GARRE1: variants seen among roughly 807,000 people sequenced by gnomAD.
The protein encoded by GARRE1 is granule associated Rac and RHOG effector protein 1.
In GARRE1, 49 loss-of-function variants were observed where a neutral mutation model predicts 103.2. The ratio of observed to expected loss-of-function variants is 0.47; its 90% CI spans 0.38 to 0.60. GARRE1 has a LOEUF of 0.60. Ranked by LOEUF, GARRE1 falls within the 20% of genes least tolerant of loss-of-function variation. The pLI is 0.00. For missense variants in GARRE1, 1,199 were observed against 1,370.5 expected (o/e 0.87, Z 1.98); for synonymous variants, 505 against 532.8 (o/e 0.95, Z 0.72).
intron 2 of GARRE1, among the ~76,000 whole-genome samples, chr19:34,301,832 G>A (rs1238369206): frequency 4.0e-5 from 6 of 151,078 alleles, no homozygotes; most frequent in South Asian, 2.1e-4. Context: ...ACAGGCACCC[G>A]CCACCTCACC....
chr19:34,307,816 T>G (rs58283689), intron 2 of GARRE1, among the ~76,000 whole-genome samples: 1 of 127,946 alleles, frequency 7.8e-6, no homozygotes, highest in Non-Finnish European at 1.6e-5. Flanking sequence ...ATATATATAT[T>G]TTTTTTTTTT....
chr19:34,320,009 G>T lies in GARRE1; in HGVS notation c.598G>T (p.Val200Phe). The change falls in exon 3 of 14, where the codon GTC (valine) becomes TTC (phenylalanine). Residue 200 changes from valine (V) to phenylalanine (F), a missense_variant. Val to Phe is a conservative substitution (Grantham distance 50). Coordinates refer to ENST00000299505, the MANE Select transcript of GARRE1 (RefSeq NM_014686.5). ...QPVAHSCFAE[V>F]IVPEKKNSGS... is the part of the protein sequence containing the mutation. The stretch of plus-strand genomic sequence containing the variant: ...GGTGGCTCACTCTTGCTTTGCTGAG[G>T]TCATCGTGCCAGAAAAAAAGAACAG... 6.2e-7 allele frequency: 1 copy of T among 1,614,200 alleles called. No individual in the cohort carries two copies. Among genetic ancestry groups the T allele is most frequent in the Non-Finnish European group, 8.5e-7 (1 of 1,180,038 alleles).
At chr19:34,316,931 C>G (rs796171333) in intron 2 of GARRE1, among the ~76,000 whole-genome samples, 9 of 152,344 alleles carry the variant, frequency 5.9e-5, no homozygotes, top group Admixed American at 4.6e-4. Flanking sequence ...TCTCTTCCCC[C>G]ACTCCTTCCT....
chr19:34,319,785 T>A, intron 2 of GARRE1, 122 bp from the exon 3 acceptor site: 1 of 844,882 alleles, frequency 1.2e-6, no homozygotes, highest in Non-Finnish European at 2.0e-6. Context: ...GCCTTTTAAC[T>A]TTGTATGATT....
At chr19:34,298,803 A>G (rs2073961444) in intron 1 of GARRE1, among the ~76,000 whole-genome samples, 1 of 152,218 alleles carries the variant, frequency 6.6e-6, no homozygotes. Flanking sequence ...GGTTTCAAGC[A>G]AATGTTATTC....
chr19:34,310,599 C>T (rs2074031837), intron 2 of GARRE1, among the ~76,000 whole-genome samples: 1 of 152,208 alleles, frequency 6.6e-6, no homozygotes, highest in African/African-American at 2.4e-5. Context: ...TCCTCTTCTC[C>T]CAGCTGAGCC....
chr19:34,290,874 C>CCTTTTTTTTTTTTTTTT (rs2073913611), intron 1 of GARRE1, among the ~76,000 whole-genome samples: 1 of 63,196 alleles, frequency 1.6e-5, no homozygotes, highest in African/African-American at 6.4e-5. Context: ...AAGCATATTG[C>CCTTTTTTTTTTTTTTTT]TTTTTTTTTT....
At chr19:34,303,065 ATAT>A (rs1009964213) in intron 2 of GARRE1, among the ~76,000 whole-genome samples, 1 of 152,176 alleles carries the variant, frequency 6.6e-6, no homozygotes, top group Admixed American at 6.5e-5. Flanking sequence ...TTAAAATGAA[ATAT>A]TATTCTTTTA....
chr19:34,290,662 A>T (rs2073912487), intron 1 of GARRE1, among the ~76,000 whole-genome samples: 1 of 151,602 alleles, frequency 6.6e-6, no homozygotes, highest in African/African-American at 2.4e-5. Flanking sequence ...AATTTGAAAA[A>T]TTTTTTTGTA....
chr19:34,274,193 G>T (rs967624369), intron 1 of GARRE1, among the ~76,000 whole-genome samples: 1 of 152,016 alleles, frequency 6.6e-6, no homozygotes, highest in Non-Finnish European at 1.5e-5. Flanking sequence ...ATCACCTGAG[G>T]TTGGGAGTTC....
chr19:34,351,885 G>A (rs1176226376), intron 13 of GARRE1, among the ~76,000 whole-genome samples: 1 of 151,540 alleles, frequency 6.6e-6, no homozygotes, highest in Non-Finnish European at 1.5e-5. Flanking sequence ...AGGATGGCTT[G>A]AGGCCAGGAG....
intron 7 of GARRE1, among the ~76,000 whole-genome samples, chr19:34,330,991 C>A (rs575490258): frequency 6.6e-6 from 1 of 151,574 alleles, no homozygotes; most frequent in Non-Finnish European, 1.5e-5. Context: ...CCTCTGCCTC[C>A]CGGGTTCAAA....
chr19:34,326,097 C>T (rs765341925), intron 3 of GARRE1, among the ~76,000 whole-genome samples: 3 of 152,238 alleles, frequency 2.0e-5, no homozygotes, highest in East Asian at 1.9e-4. Context: ...TGCTTCAGCA[C>T]GTACCTAACA....
At chr19:34,260,581 G>T (rs1021701225) in intron 1 of GARRE1, among the ~76,000 whole-genome samples, 1 of 152,036 alleles carries the variant, frequency 6.6e-6, no homozygotes, top group African/African-American at 2.4e-5. Flanking sequence ...TGCACAATGT[G>T]CAGGTTAGTT....
intron 1 of GARRE1, among the ~76,000 whole-genome samples, chr19:34,277,189 G>A (rs935539440): frequency 5.3e-5 from 8 of 152,272 alleles, no homozygotes; most frequent in South Asian, 4.2e-4. Flanking sequence ...CAGGAGGCAC[G>A]ACATGAGGCT....
chr19:34,317,931 C>T (rs754046604), intron 2 of GARRE1, among the ~76,000 whole-genome samples: 2 of 152,156 alleles, frequency 1.3e-5, no homozygotes, highest in Non-Finnish European at 2.9e-5. Flanking sequence ...GCGCTGCCTT[C>T]GTGTCCCTCA....
At chr19:34,272,359 C>T (rs541621826) in intron 1 of GARRE1, among the ~76,000 whole-genome samples, 15 of 152,138 alleles carry the variant, frequency 9.9e-5, no homozygotes, top group African/African-American at 3.4e-4. Context: ...CCACCATGCC[C>T]GGCTAATTTT....
At chr19:34,346,568 A>G (rs1207297662) in intron 10 of GARRE1, among the ~76,000 whole-genome samples, 1 of 152,060 alleles carries the variant, frequency 6.6e-6, no homozygotes, top group Non-Finnish European at 1.5e-5. Context: ...TCATCATCTG[A>G]TTTTCGAAGT....
At chr19:34,307,163 A>G (rs1357815067) in intron 2 of GARRE1, among the ~76,000 whole-genome samples, 13 of 152,018 alleles carry the variant, frequency 8.6e-5, no homozygotes, top group African/African-American at 2.4e-5. Flanking sequence ...AAGAGGGGCC[A>G]CTCTGGTGTC....
Sources: allele counts gnomAD v4.1 joint callset (sites outside exome capture counted in the v4.1 genomes callset), GRCh38; gene constraint gnomAD v4.1.1; transcripts MANE v1.5; gene names NCBI Gene and HGNC (gene_info 2026-07-23, HGNC 2026-07-21).